Variants in ALB observed in about 807,000 individuals in gnomAD.
The protein encoded by ALB is serum albumin.
A neutral mutation model predicts 74.5 loss-of-function variants in ALB; 37 were observed. That is an observed-to-expected ratio of 0.50 (90% CI 0.38 to 0.65). ALB has a LOEUF of 0.65. ALB is among the 30% of genes least tolerant of loss of function. ALB has a pLI of 0.00. For synonymous variants in ALB, 249 were observed against 251.6 expected, an observed-to-expected ratio of 0.99 and a Z score of 0.10; for missense variants, 685 against 718.7, an observed-to-expected ratio of 0.95 and a Z score of 0.54.
chr4:73,419,456 G>T, intron 12 of ALB, 51 bp from the exon 13 acceptor site: 1 of 1,570,912 alleles, frequency 6.4e-7, no homozygotes, highest in African/African-American at 1.4e-5. Context: ...TTTTCTATAC[G>T]TGAGTAATGT....
At chr4:73,406,545 C>A in intron 2 of ALB, 84 bp from the exon 3 acceptor site, 2 of 1,259,606 alleles carry the variant, frequency 1.6e-6, no homozygotes, top group South Asian at 1.2e-5. Context: ...AACCTATACC[C>A]ATACATGATT....
At chr4:73,414,761 T>C (rs751993094) in intron 8 of ALB, among the ~76,000 whole-genome samples, 7 of 152,128 alleles carry the variant, frequency 4.6e-5, no homozygotes, top group Non-Finnish European at 1.0e-4. Context: ...AGCCGACAGA[T>C]ACTATTATTA....
intron 13 of ALB, 29 bp from the exon 14 acceptor site, chr4:73,420,225 C>G (rs768119206): frequency 1.9e-6 from 3 of 1,602,144 alleles, no homozygotes; most frequent in Middle Eastern, 1.7e-4. Context: ...CTAATATTTT[C>G]CTAACATCTG....
rs1719098709 is a variant in ALB, at chr4:73,419,639, G to A, written c.1785G>A (p.Glu595=). The change falls in exon 13 of 15, where the codon GAG becomes GAA. Residue 595 remains glutamate (E), a splice_region_variant and synonymous_variant. Transcript: ENST00000295897. The stretch of plus-strand genomic sequence containing the variant: ...ATAAGGAGACCTGCTTTGCCGAGGA[G>A]GTACTACAGTTCTCTTCATTTTAAT... The part of the protein sequence containing the change: ...ADDKETCFAE[E]GKKLVAASQA... 1 of 1,613,728 alleles carries A rather than the reference G, an allele frequency of 6.2e-7. No homozygotes were observed. The highest frequency in any genetic ancestry group is 1.3e-5 in the African/African-American group (1 of 74,854).
At chr4:73,405,975 G>T (rs1442928558) in intron 2 of ALB, among the ~76,000 whole-genome samples, 3 of 152,002 alleles carry the variant, frequency 2.0e-5, no homozygotes, top group Admixed American at 2.0e-4. Flanking sequence ...AAAGACGTGT[G>T]TGGGGATCAG....
Position 73,409,467 on chromosome 4 carries a change from G to T in ALB, c.595G>T (p.Ala199Ser). 6.2e-7 allele frequency: 1 copy of T among 1,613,896 alleles called. No homozygotes were observed. Among genetic ancestry groups the T allele is most frequent in the African/African-American group, 1.3e-5 (1 of 75,016 alleles). ...AGAATGTTGCCAAGCTGCTGATAAA[G>T]CTGCCTGCCTGTTGCCAAAGGTATT... ...FTECCQAADK[A>S]ACLLPKLDEL... The change falls in exon 5 of 15, where the codon GCT becomes TCT. Residue 199 changes from alanine (A) to serine (S), a missense_variant. By Grantham distance (99) the Ala-to-Ser change is moderately conservative. Coordinates refer to ENST00000295897, the MANE Select transcript of ALB (RefSeq NM_000477.7).
Position 73,420,781 on chromosome 4 carries a change from T to G in ALB, c.*24-311T>G, listed in dbSNP as rs1446538809. ...TTCAACCTAATAGTTCAACTCATCC[T>G]TTCCATTGGAGAATATGATGGATCT... On this transcript the variant is annotated intron_variant, in intron 14 of 14. Transcript: ENST00000295897. 3.2e-5 allele frequency: 10 copies of G among 312,722 alleles called. No homozygotes were observed. The South Asian group carries it at 6.0e-4, about 19-fold the overall frequency. The allele number at this position is 312,722 out of a possible 1,614,324, so 19.4% of individuals were successfully genotyped here.
At chr4:73,416,572 G>A (rs1719019794) in intron 10 of ALB, among the ~76,000 whole-genome samples, 1 of 152,124 alleles carries the variant, frequency 6.6e-6, no homozygotes, top group African/African-American at 2.4e-5. Flanking sequence ...AAGATTGGAA[G>A]TATGTAGGCT....
chr4:73,404,505 T>C lies in ALB; in HGVS notation c.79+99T>C, dbSNP rs540536260. On this transcript the variant is annotated intron_variant, in intron 1 of 14. Transcript: ENST00000295897. Reference sequence around the variant, plus strand: ...CATCTTTAAAGAATTATTTTGGCATTTATTTCTAAAATGGCATAGTATTTT... The same window carrying C: ...CATCTTTAAAGAATTATTTTGGCATCTATTTCTAAAATGGCATAGTATTTT... 175 of 1,073,884 alleles carry C rather than the reference T, an allele frequency of 1.6e-4. 3 individuals carry two copies. Among genetic ancestry groups the C allele is most frequent in the South Asian group, 1.6e-3 (119 of 76,464 alleles). 66.5% of individuals were successfully genotyped at this position (1,073,884 alleles called of 1,614,324 possible).
chr4:73,410,407 A>C lies in ALB; in HGVS notation c.711A>C (p.Ala237=), dbSNP rs755614142. Residue 237 remains alanine, a splice_region_variant and synonymous_variant, in exon 6 of 15, where the codon GCA becomes GCC. Coordinates refer to ENST00000295897, the MANE Select transcript of ALB (RefSeq NM_000477.7). The stretch of plus-strand genomic sequence containing the variant: ...AATTTGGAGAAAGAGCTTTCAAAGC[A>C]TGGTAAATACTTTTAAACATAGTTG... The part of the protein sequence containing the change: ...LQKFGERAFK[A]WAVARLSQRF... 6.9e-6 allele frequency: 11 copies of C among 1,601,496 alleles called. No homozygotes were observed. The highest frequency in any genetic ancestry group is 5.4e-5 in the African/African-American group (4 of 74,762).
At chr4:73,405,277 A>G in intron 2 of ALB, 104 bp downstream of exon 2, 2 of 1,003,352 alleles carry the variant, frequency 2.0e-6, no homozygotes, top group Middle Eastern at 2.5e-4. Context: ...ATTCTAAAAC[A>G]GTGCTGCCTC....
At chr4:73,419,443 C>T in intron 12 of ALB, 64 bp from the exon 13 acceptor site, 1 of 1,527,904 alleles carries the variant, frequency 6.5e-7, no homozygotes, top group Non-Finnish European at 8.9e-7. Context: ...TTACTCTCTC[C>T]ATTTTTCTAT....
intron 4 of ALB, 72 bp from the exon 5 acceptor site, chr4:73,409,283 A>C (rs761707390): frequency 1.8e-5 from 27 of 1,525,452 alleles, no homozygotes; most frequent in Non-Finnish European, 2.4e-5. Context: ...TCTGGGGAGA[A>C]TGTCGATTAC....
chr4:73,417,763 G>A (rs1056875509), intron 11 of ALB, 94 bp downstream of exon 11: 12 of 1,153,136 alleles, frequency 1.0e-5, no homozygotes, highest in South Asian at 4.7e-5. Flanking sequence ...AGGAAGTAAT[G>A]TGTGTGTGTG....
chr4:73,410,346 C>G lies in ALB; in HGVS notation c.650C>G (p.Ser217Cys). The G allele has an allele frequency of 6.2e-7, 1 of 1,613,882 alleles. No individual in the cohort carries two copies. The highest frequency in any genetic ancestry group is 1.1e-5 in the South Asian group (1 of 91,082). Residue 217 changes from serine (S) to cysteine (C), a missense_variant, in exon 6 of 15, where the codon TCT becomes TGT. Ser to Cys is a moderately radical substitution (Grantham distance 112, BLOSUM62 -1). Transcript: ENST00000295897. ...CTTCGGGATGAAGGGAAGGCTTCGT[C>G]TGCCAAACAGAGACTCAAGTGTGCC... ...DELRDEGKASSAKQRLKCASL... is the reference protein window; with the variant it reads ...DELRDEGKASCAKQRLKCASL...
intron 1 of ALB, among the ~76,000 whole-genome samples, 179 bp downstream of exon 1, chr4:73,404,585 T>TAAA (rs374771640): frequency 7.2e-6 from 1 of 138,714 alleles, no homozygotes; most frequent in African/African-American, 2.6e-5. Context: ...ACATCCTAGG[T>TAAA]AAAAAAAAAA....
intron 3 of ALB, among the ~76,000 whole-genome samples, chr4:73,407,347 G>A (rs773593144): frequency 1.3e-5 from 2 of 152,084 alleles, no homozygotes; most frequent in Non-Finnish European, 2.9e-5. Context: ...TATATAAGTG[G>A]TATTATGTAC....
In ALB at chr4:73,413,145, GA is replaced by G. The variant is rs1050021667; in HGVS notation, c.844-268del. The G allele has an allele frequency of 4.2e-5, 16 of 383,036 alleles. No individual in the cohort carries two copies. In the East Asian group the frequency reaches 4.6e-4, roughly 11 times the overall value. The allele number at this position is 383,036 out of a possible 1,614,324, so 23.7% of individuals were successfully genotyped here. ...TGGAAAAACAGCATTGAGTTTTAATGAAAAAAACTTAAATGCCCTAACAGTA... is the reference window on the plus strand; with the variant it reads ...TGGAAAAACAGCATTGAGTTTTAATGAAAAAACTTAAATGCCCTAACAGTA... On this transcript the variant is annotated intron_variant, in intron 7 of 14. Transcript: ENST00000295897.
intron 3 of ALB, among the ~76,000 whole-genome samples, chr4:73,407,108 A>G (rs906239507): frequency 2.6e-5 from 4 of 152,004 alleles, no homozygotes; most frequent in Non-Finnish European, 5.9e-5. Context: ...TTATTTATTT[A>G]TCTTATTTTA....
Sources: allele counts gnomAD v4.1 joint callset (sites outside exome capture counted in the v4.1 genomes callset), GRCh38; gene constraint gnomAD v4.1.1; transcripts MANE v1.5; gene names NCBI Gene and HGNC (gene_info 2026-07-23, HGNC 2026-07-21).